Variants in ARHGAP15 observed in about 807,000 individuals in gnomAD.
ARHGAP15 encodes rho GTPase-activating protein 15.
A neutral mutation model predicts 63.7 loss-of-function variants in ARHGAP15; 51 were observed. The observed-to-expected ratio is 0.80, with a 90% confidence interval of 0.64 to 1.01. The LOEUF (loss-of-function observed/expected upper bound fraction) is 1.01. Among genes scored for constraint, ARHGAP15 ranks in the 50% least tolerant of loss-of-function variants. The probability of loss-of-function intolerance (pLI) is 0.00; values close to 1 mark genes in which losing one functional copy is unlikely to be tolerated. For synonymous variants in ARHGAP15, 191 were observed against 193.8 expected (o/e 0.99, Z 0.12); for missense variants, 560 against 564.6 (o/e 0.99, Z 0.08).
intron 2 of ARHGAP15, among the ~76,000 whole-genome samples, chr2:143,159,970 T>A (rs1276375129): frequency 6.6e-6 from 1 of 151,994 alleles, no homozygotes; most frequent in Non-Finnish European, 1.5e-5. Flanking sequence ...TTGAAAAACA[T>A]AGATACAGAC....
chr2:143,353,893 A>G (rs1336187889), intron 6 of ARHGAP15, among the ~76,000 whole-genome samples: 2 of 152,146 alleles, frequency 1.3e-5, no homozygotes, highest in East Asian at 1.9e-4. Context: ...ACGGTAACAA[A>G]TTATCATTGA....
chr2:143,161,698 A>G lies in ARHGAP15; in HGVS notation c.165+6043A>G, dbSNP rs543922762. Among the ~76,000 whole-genome samples the G allele has an allele frequency of 5.9e-5, 9 of 152,062 alleles. No individual in the cohort carries two copies. In the East Asian group the frequency reaches 1.8e-3, roughly 30 times the overall value. ...ATTCTATATGAGGGGGAAATGAACT[A>G]GTGGAAAATACAAAGGTAGAGAGGA... On this transcript the variant is annotated intron_variant, in intron 2 of 13. Transcript: ENST00000295095.
intron 10 of ARHGAP15, among the ~76,000 whole-genome samples, chr2:143,551,675 A>T (rs1695569468): frequency 6.6e-6 from 1 of 152,168 alleles, no homozygotes. Context: ...TGAAAATCAA[A>T]ATTGTGCCAG....
intron 6 of ARHGAP15, among the ~76,000 whole-genome samples, chr2:143,262,530 C>A (rs1036615915): frequency 9.5e-6 from 1 of 105,166 alleles, no homozygotes; most frequent in African/African-American, 4.1e-5. Context: ...GGGTCTGAAC[C>A]TTTGATTTTT....
At chr2:143,758,840 G>C (rs1686667139) in intron 13 of ARHGAP15, among the ~76,000 whole-genome samples, 1 of 152,166 alleles carries the variant, frequency 6.6e-6, no homozygotes, top group Non-Finnish European at 1.5e-5. Context: ...CAGGAATGCT[G>C]TTTATCAAGC....
chr2:143,583,809 CA>C (rs1697002601), intron 11 of ARHGAP15, among the ~76,000 whole-genome samples: 3 of 152,188 alleles, frequency 2.0e-5, no homozygotes, highest in South Asian at 4.1e-4. Context: ...GTATTTGAAC[CA>C]ATTACCAAAG....
chr2:143,401,245 T>C (rs980443272), intron 6 of ARHGAP15, among the ~76,000 whole-genome samples: 6 of 152,024 alleles, frequency 3.9e-5, no homozygotes, highest in African/African-American at 1.4e-4. Context: ...AAATAAATAT[T>C]TATAAATTAG....
At chr2:143,357,943 A>C (rs1299752850) in intron 6 of ARHGAP15, among the ~76,000 whole-genome samples, 2 of 152,196 alleles carry the variant, frequency 1.3e-5, no homozygotes, top group African/African-American at 4.8e-5. Context: ...ATTTGTGTAA[A>C]ACTTGATGTA....
rs369398146 is a variant in ARHGAP15 at position 143,287,494 on chromosome 2, G to A, written c.474+36894G>A. On this transcript the variant is annotated intron_variant, in intron 6 of 13. Transcript: ENST00000295095. ...AGGAAGATAGAATGGGCTCTCGGGG[G>A]CCTCTGATCTTGTTTAAAGAAATGT... Among the ~76,000 whole-genome samples the A allele has an allele frequency of 3.2e-4, 49 of 152,052 alleles. No individual in the cohort carries two copies. The East Asian group carries it at 8.7e-3, about 27-fold the overall frequency.
intron 12 of ARHGAP15, among the ~76,000 whole-genome samples, chr2:143,653,164 T>TACAA (rs1462415294): frequency 2.0e-5 from 3 of 152,136 alleles, no homozygotes; most frequent in East Asian, 3.8e-4. Flanking sequence ...AGTCTGTTAA[T>TACAA]ACAACAACTA....
At chr2:143,416,837 G>GCCCCCACA (rs1445568678) in intron 6 of ARHGAP15, among the ~76,000 whole-genome samples, 2 of 59,506 alleles carry the variant, frequency 3.4e-5, no homozygotes, top group African/African-American at 1.2e-4. Flanking sequence ...CCACCCCCAC[G>GCCCCCACA]CCCCCACGCC....
intron 11 of ARHGAP15, among the ~76,000 whole-genome samples, chr2:143,603,462 G>A (rs1697857281): frequency 6.6e-6 from 1 of 152,134 alleles, no homozygotes; most frequent in South Asian, 2.1e-4. Context: ...AGACCCCACT[G>A]TTCTTTGCAT....
intron 1 of ARHGAP15, among the ~76,000 whole-genome samples, chr2:143,153,578 T>A (rs861167): frequency 6.6e-6 from 1 of 151,618 alleles, no homozygotes; most frequent in Admixed American, 6.6e-5. Context: ...ATACAATTTG[T>A]TCATTTTTAA....
chr2:143,603,629 T>C (rs995413521), intron 11 of ARHGAP15, among the ~76,000 whole-genome samples: 1 of 152,214 alleles, frequency 6.6e-6, no homozygotes. Flanking sequence ...AACTCCCCAG[T>C]TGGCAATGAA....
chr2:143,273,159 ATTATT>A (rs557400145), intron 6 of ARHGAP15, among the ~76,000 whole-genome samples: 71 of 152,264 alleles, frequency 4.7e-4, no homozygotes, highest in Admixed American at 1.0e-3. Flanking sequence ...TGAACACTAT[ATTATT>A]TTAAAACATT....
chr2:143,695,863 C>CAA (rs57881769), intron 12 of ARHGAP15, among the ~76,000 whole-genome samples: 35 of 135,088 alleles, frequency 2.6e-4, no homozygotes, highest in Middle Eastern at 3.7e-3. Context: ...CCTTGTCTAC[C>CAA]AAAAAAAAAA....
chr2:143,625,887 TG>T (rs1698816330), intron 12 of ARHGAP15, among the ~76,000 whole-genome samples: 1 of 152,186 alleles, frequency 6.6e-6, no homozygotes, highest in Non-Finnish European at 1.5e-5. Flanking sequence ...ATGTGCTATT[TG>T]GGGGCTATAA....
intron 6 of ARHGAP15, among the ~76,000 whole-genome samples, chr2:143,265,743 T>G (rs1680956993): frequency 6.6e-6 from 1 of 152,126 alleles, no homozygotes; most frequent in Non-Finnish European, 1.5e-5. Flanking sequence ...CTTTTAGTTT[T>G]TTTCCTTCCC....
At chr2:143,179,347 T>C (rs1691133958) in intron 2 of ARHGAP15, among the ~76,000 whole-genome samples, 1 of 152,212 alleles carries the variant, frequency 6.6e-6, no homozygotes, top group African/African-American at 2.4e-5. Context: ...AATATCCACC[T>C]TATATCCTGC....
Sources: gnomAD v4.1 joint callset for allele counts (sites outside exome capture counted in the v4.1 genomes callset) on GRCh38, gnomAD v4.1.1 for gene constraint, MANE v1.5 for transcripts, NCBI Gene and HGNC (gene_info 2026-07-23, HGNC 2026-07-21) for gene names.